KCNH1: variants seen among roughly 807,000 people sequenced by gnomAD.
KCNH1 encodes the protein potassium voltage-gated channel subfamily H member 1.
In KCNH1, 27 loss-of-function variants were observed where a neutral mutation model predicts 69.2. The ratio of observed to expected loss-of-function variants is 0.39; its 90% CI spans 0.29 to 0.54. The LOEUF (loss-of-function observed/expected upper bound fraction) is 0.54, where lower values mean the gene tolerates loss of function less well. Among genes scored for constraint, KCNH1 ranks in the 20% least tolerant of loss-of-function variants. The pLI, the probability that KCNH1 is intolerant of heterozygous loss-of-function variation, is 0.68. For synonymous variants in KCNH1, 456 were observed against 487.7 expected (o/e 0.93, Z 0.86); for missense variants, 798 against 1,261.6 (o/e 0.63, Z 5.57).
At position 210,801,757 on chromosome 1, in the gene KCNH1, C is replaced by G. The variant is rs565648807; in HGVS notation, c.1662+2210G>C. Among the ~76,000 whole-genome samples, 23 of 152,322 alleles carry G rather than the reference C, an allele frequency of 1.5e-4. 1 individual carries two copies. The South Asian group carries it at 4.3e-3, about 29-fold the overall frequency. On this transcript the variant is annotated intron_variant, in intron 8 of 10. Transcript: ENST00000271751. ...ATCAGCTGCCAGGAACCCACAGAAC[C>G]TACAGGCATTGTTGAGAGAACACAG...
At chr1:210,741,151 C>T (rs946629774) in intron 10 of KCNH1, among the ~76,000 whole-genome samples, 38 of 152,058 alleles carry the variant, frequency 2.5e-4, no homozygotes, top group Non-Finnish European at 2.4e-4. Context: ...TACGTATCAT[C>T]GAGTATAAGA....
intron 10 of KCNH1, among the ~76,000 whole-genome samples, chr1:210,754,893 GACAC>G (rs1160187309): frequency 7.3e-5 from 11 of 149,692 alleles, no homozygotes; most frequent in African/African-American, 2.7e-4. Flanking sequence ...CACATACAAA[GACAC>G]ACACACAGAG....
intron 5 of KCNH1, among the ~76,000 whole-genome samples, chr1:211,062,664 T>C (rs950144743): frequency 6.6e-6 from 1 of 152,176 alleles, no homozygotes; most frequent in African/African-American, 2.4e-5. Flanking sequence ...TAAATAGATA[T>C]TTCTCAAAAG....
intron 7 of KCNH1, among the ~76,000 whole-genome samples, chr1:210,898,551 G>T (rs557585729): frequency 1.3e-5 from 2 of 152,260 alleles, no homozygotes; most frequent in South Asian, 4.2e-4. Context: ...GAGTGAACTG[G>T]CTGGGACTGC....
In KCNH1 at chr1:211,089,008, C is replaced by T. The variant is rs374978689; in HGVS notation, c.439+1554G>A. Among the ~76,000 whole-genome samples, 91 of 152,108 alleles carry T rather than the reference C, an allele frequency of 6.0e-4. 1 individual carries two copies. Among genetic ancestry groups the T allele is most frequent in the Non-Finnish European group, 1.1e-3 (72 of 68,024 alleles). On this transcript the variant is annotated intron_variant, in intron 4 of 10. Transcript: ENST00000271751. ...AATGCAGGCACCTACATGCCAGGTACGGAGCATTCTGTTAGGTATGATTTT... is the reference window on the plus strand; with the variant it reads ...AATGCAGGCACCTACATGCCAGGTATGGAGCATTCTGTTAGGTATGATTTT...
At chr1:210,956,616 T>G (rs1688183029) in intron 6 of KCNH1, among the ~76,000 whole-genome samples, 1 of 151,716 alleles carries the variant, frequency 6.6e-6, no homozygotes, top group Non-Finnish European at 1.5e-5. Flanking sequence ...ATTCAGAGAT[T>G]CCACTTCTTC....
At chr1:211,039,777 C>T (rs1689957307) in intron 5 of KCNH1, among the ~76,000 whole-genome samples, 3 of 152,190 alleles carry the variant, frequency 2.0e-5, no homozygotes, top group African/African-American at 7.2e-5. Context: ...CCTGTACCCC[C>T]ACTGTGTCTA....
intron 2 of KCNH1, among the ~76,000 whole-genome samples, chr1:211,105,993 A>G (rs1033159059): frequency 6.6e-6 from 1 of 152,238 alleles, no homozygotes; most frequent in Admixed American, 6.5e-5. Context: ...GAGCTCAAAC[A>G]TTTATTTTAT....
At chr1:211,056,223 C>A (rs556085381) in intron 5 of KCNH1, among the ~76,000 whole-genome samples, 1 of 152,186 alleles carries the variant, frequency 6.6e-6, no homozygotes, top group Non-Finnish European at 1.5e-5. Context: ...CATAAGTTGA[C>A]TAAAGAGCCC....
chr1:211,115,617 G>A (rs1357555620), intron 1 of KCNH1, among the ~76,000 whole-genome samples: 1 of 150,620 alleles, frequency 6.6e-6, no homozygotes, highest in Non-Finnish European at 1.5e-5. Flanking sequence ...TTTGGGACTC[G>A]GACTGGCTCT....
intron 1 of KCNH1, among the ~76,000 whole-genome samples, chr1:211,113,302 T>C (rs1307200604): frequency 6.6e-6 from 1 of 152,200 alleles, no homozygotes; most frequent in African/African-American, 2.4e-5. Flanking sequence ...GCTTATGCCA[T>C]TGGGTGCTAA....
chr1:210,905,154 T>C (rs552016272), intron 7 of KCNH1, among the ~76,000 whole-genome samples: 2 of 152,330 alleles, frequency 1.3e-5, no homozygotes, highest in South Asian at 2.1e-4. Flanking sequence ...AAAGTTGGTA[T>C]CTGCAGTTAC....
intron 6 of KCNH1, among the ~76,000 whole-genome samples, chr1:211,010,200 G>C (rs1026906407): frequency 2.6e-5 from 4 of 152,154 alleles, no homozygotes; most frequent in Non-Finnish European, 5.9e-5. Flanking sequence ...CAGGTATTAG[G>C]ACTGAGGGGC....
intron 7 of KCNH1, among the ~76,000 whole-genome samples, chr1:210,819,573 G>C (rs1161544641): frequency 6.6e-6 from 1 of 151,656 alleles, no homozygotes; most frequent in Non-Finnish European, 1.5e-5. Context: ...ATTAAGCTAA[G>C]CAGTGACTAG....
At chr1:210,804,309 G>C in intron 7 of KCNH1, 143 bp from the exon 8 acceptor site, 1 of 672,900 alleles carries the variant, frequency 1.5e-6, no homozygotes, top group Admixed American at 2.7e-5. Flanking sequence ...CTATTCTCAG[G>C]AGACCCTCAC....
intron 9 of KCNH1, among the ~76,000 whole-genome samples, chr1:210,793,639 C>T (rs772648753): frequency 6.6e-6 from 1 of 152,174 alleles, no homozygotes; most frequent in Non-Finnish European, 1.5e-5. Flanking sequence ...AATATTAGAA[C>T]TGGAAGAAAG....
At chr1:210,971,345 G>A (rs1466815858) in intron 6 of KCNH1, among the ~76,000 whole-genome samples, 1 of 152,116 alleles carries the variant, frequency 6.6e-6, no homozygotes, top group Non-Finnish European at 1.5e-5. Flanking sequence ...GTTATTTAGA[G>A]CATTGTGTAG....
At chr1:210,711,105 T>C (rs1018133197) in intron 10 of KCNH1, among the ~76,000 whole-genome samples, 1 of 152,194 alleles carries the variant, frequency 6.6e-6, no homozygotes, top group African/African-American at 2.4e-5. Flanking sequence ...CTGCTACAGA[T>C]CTTGGCCCAT....
chr1:210,891,540 TA>T (rs77160107), intron 7 of KCNH1, among the ~76,000 whole-genome samples: 17,090 of 140,832 alleles, frequency 0.12, 999 homozygotes, highest in African/African-American at 0.14. Flanking sequence ...AAAGTATAAT[TA>T]AAAAAAAAAA....
Sources: gnomAD v4.1 joint callset for allele counts (sites outside exome capture counted in the v4.1 genomes callset) on GRCh38, gnomAD v4.1.1 for gene constraint, MANE v1.5 for transcripts, NCBI Gene and HGNC (gene_info 2026-07-23, HGNC 2026-07-21) for gene names.